PDE4B: variants seen among roughly 807,000 people sequenced by gnomAD.
PDE4B encodes the protein 3',5'-cyclic-AMP phosphodiesterase 4B.
In PDE4B, 20 loss-of-function variants were observed where a neutral mutation model predicts 82.2. That is an observed-to-expected ratio of 0.24 (90% CI 0.17 to 0.35). PDE4B has a LOEUF of 0.35. Among genes scored for constraint, PDE4B ranks in the 10% least tolerant of loss-of-function variants. PDE4B has a pLI of 1.00. For synonymous variants in PDE4B, 320 were observed against 318.9 expected (o/e 1.00, Z -0.04); for missense variants, 655 against 907.2 (o/e 0.72, Z 3.57).
intron 3 of PDE4B, among the ~76,000 whole-genome samples, chr1:66,152,091 T>A (rs573318156): frequency 6.6e-6 from 1 of 152,194 alleles, no homozygotes; most frequent in African/African-American, 2.4e-5. Flanking sequence ...TTAGATGACA[T>A]CTTTTAAGAA....
intron 3 of PDE4B, among the ~76,000 whole-genome samples, chr1:66,195,514 G>C (rs553282067): frequency 2.6e-5 from 4 of 152,256 alleles, no homozygotes; most frequent in African/African-American, 9.6e-5. Context: ...ACCATCCCCT[G>C]TTTTGCTATT....
At chr1:65,953,002 G>C (rs1021275458) in intron 3 of PDE4B, among the ~76,000 whole-genome samples, 1 of 152,050 alleles carries the variant, frequency 6.6e-6, no homozygotes, top group Admixed American at 6.6e-5. Flanking sequence ...CACCTCCACC[G>C]GGCATGGAAC....
chr1:66,059,933 A>G (rs1479388442), intron 3 of PDE4B, among the ~76,000 whole-genome samples: 1 of 152,246 alleles, frequency 6.6e-6, no homozygotes, highest in Admixed American at 6.5e-5. Flanking sequence ...CCAAAATGGC[A>G]GTAACCAAGG....
At chr1:66,125,750 T>G (rs1206923969) in intron 3 of PDE4B, among the ~76,000 whole-genome samples, 2 of 152,212 alleles carry the variant, frequency 1.3e-5, no homozygotes, top group Non-Finnish European at 1.5e-5. Context: ...CATCCACCCA[T>G]CAGTCAAAAA....
At chr1:66,052,896 A>G (rs1435783783) in intron 3 of PDE4B, among the ~76,000 whole-genome samples, 1 of 149,436 alleles carries the variant, frequency 6.7e-6, no homozygotes, top group Non-Finnish European at 1.5e-5. Context: ...TTTACATTCG[A>G]GACTACACAT....
chr1:66,003,867 T>C (rs933148178), intron 3 of PDE4B, among the ~76,000 whole-genome samples: 2 of 152,170 alleles, frequency 1.3e-5, no homozygotes, highest in African/African-American at 4.8e-5. Flanking sequence ...TTCAGTTTCA[T>C]GGGATTAACC....
At position 66,342,454 on chromosome 1, in the gene PDE4B, A is replaced by G. The variant is rs371795426; in HGVS notation, c.747+9834A>G. ...ACTGGGCGCAGTGGCTCACGCCTGTAATCCCAGCACTTTGGGAAGCCAAGG... is the reference window on the plus strand; with the variant it reads ...ACTGGGCGCAGTGGCTCACGCCTGTGATCCCAGCACTTTGGGAAGCCAAGG... On this transcript the variant is annotated intron_variant, in intron 8 of 16. Coordinates refer to ENST00000341517, the MANE Select transcript of PDE4B (RefSeq NM_002600.4). Among the ~76,000 whole-genome samples the G allele has an allele frequency of 5.9e-5, 9 of 151,944 alleles. No homozygotes were observed. In the East Asian group the frequency reaches 9.6e-4, roughly 16 times the overall value.
At chr1:66,068,072 A>AT (rs1557537953) in intron 3 of PDE4B, among the ~76,000 whole-genome samples, 23 of 149,948 alleles carry the variant, frequency 1.5e-4, no homozygotes. Flanking sequence ...GTGCACATGT[A>AT]CCCTAAAACT....
Position 66,041,570 on chromosome 1 carries a change from A to T in PDE4B, c.281+122735A>T, listed in dbSNP as rs540903423. On this transcript the variant is annotated intron_variant, in intron 3 of 16. Coordinates refer to ENST00000341517, the MANE Select transcript of PDE4B (RefSeq NM_002600.4). ...TTGGAACATTCTAACTTACTTCTTC[A>T]CTTGCCTCACTCTACTGAATTCTCA... Among the ~76,000 whole-genome samples, 285 of 151,958 alleles carry T rather than the reference A, an allele frequency of 1.9e-3. 3 individuals carry two copies. The South Asian group carries it at 0.03, about 16-fold the overall frequency.
chr1:66,008,409 G>T (rs1016866039), intron 3 of PDE4B, among the ~76,000 whole-genome samples: 2 of 151,992 alleles, frequency 1.3e-5, no homozygotes, highest in African/African-American at 2.4e-5. Context: ...AATTATCTGT[G>T]TACCTGGTTA....
At chr1:66,227,595 G>C (rs931410350) in intron 3 of PDE4B, among the ~76,000 whole-genome samples, 3 of 152,014 alleles carry the variant, frequency 2.0e-5, no homozygotes, top group African/African-American at 7.2e-5. Context: ...CCTAACATCA[G>C]CTCTCCCAGC....
intron 3 of PDE4B, among the ~76,000 whole-genome samples, chr1:66,186,955 ATATTGGCTGTG>A (rs1301675967): frequency 6.6e-6 from 1 of 152,156 alleles, no homozygotes; most frequent in Non-Finnish European, 1.5e-5. Flanking sequence ...ATTCAGTATG[ATATTGGCTGTG>A]GGTTTGTCAT....
chr1:65,849,137 A>T (rs970527714), intron 1 of PDE4B, among the ~76,000 whole-genome samples: 1 of 152,216 alleles, frequency 6.6e-6, no homozygotes, highest in Non-Finnish European at 1.5e-5. Flanking sequence ...CTCAATAGAT[A>T]GTGGGGTATT....
intron 3 of PDE4B, among the ~76,000 whole-genome samples, chr1:66,101,830 A>G (rs1645231456): frequency 6.6e-6 from 1 of 152,014 alleles, no homozygotes; most frequent in South Asian, 2.1e-4. Context: ...GAAGCTCTTT[A>G]GTTTAATTAG....
At chr1:66,301,177 A>C (rs1429075315) in intron 7 of PDE4B, among the ~76,000 whole-genome samples, 1 of 141,976 alleles carries the variant, frequency 7.0e-6, no homozygotes, top group Non-Finnish European at 1.6e-5. Context: ...GATTACCAAT[A>C]TTAGAGAAGC....
At chr1:65,878,559 G>T (rs916703480) in intron 1 of PDE4B, among the ~76,000 whole-genome samples, 3 of 152,198 alleles carry the variant, frequency 2.0e-5, no homozygotes, top group Non-Finnish European at 4.4e-5. Context: ...CCATAAAAAA[G>T]GATGAGTTCA....
At chr1:66,070,662 G>C (rs1656107046) in intron 3 of PDE4B, among the ~76,000 whole-genome samples, 1 of 151,846 alleles carries the variant, frequency 6.6e-6, no homozygotes, top group African/African-American at 2.4e-5. Context: ...AAAGATATTA[G>C]GAAGCAGGAA....
At chr1:66,194,248 A>G (rs545564544) in intron 3 of PDE4B, among the ~76,000 whole-genome samples, 1 of 152,080 alleles carries the variant, frequency 6.6e-6, no homozygotes, top group Admixed American at 6.6e-5. Context: ...TTTTGCACAT[A>G]TGGCTCTACC....
At chr1:66,180,200 G>T (rs1025451054) in intron 3 of PDE4B, among the ~76,000 whole-genome samples, 3 of 152,136 alleles carry the variant, frequency 2.0e-5, no homozygotes, top group African/African-American at 7.2e-5. Context: ...TCATGATAAA[G>T]TATTTATTAA....
Sources: gnomAD v4.1 joint callset for allele counts (sites outside exome capture counted in the v4.1 genomes callset) on GRCh38, gnomAD v4.1.1 for gene constraint, MANE v1.5 for transcripts, NCBI Gene and HGNC (gene_info 2026-07-23, HGNC 2026-07-21) for gene names.